The following SGCZ variants were observed in gnomAD, a reference collection of about 807,000 sequenced individuals.
The protein encoded by SGCZ is sarcoglycan zeta, also known as zeta-sarcoglycan.
In SGCZ, 40 loss-of-function variants were observed where a neutral mutation model predicts 41.3. The ratio of observed to expected loss-of-function variants is 0.97; its 90% CI spans 0.75 to 1.26. SGCZ has a LOEUF of 1.26. Ranked by LOEUF, SGCZ falls within the 50% of genes most tolerant of loss-of-function variation. The pLI, the probability that SGCZ is intolerant of heterozygous loss-of-function variation, is 0.00. For synonymous variants in SGCZ, 206 were observed against 137.5 expected, an observed-to-expected ratio of 1.50 and a Z score of -3.49; for missense variants, 552 against 369.8, an observed-to-expected ratio of 1.49 and a Z score of -4.04.
intron 3 of SGCZ, among the ~76,000 whole-genome samples, chr8:14,299,834 C>A (rs1385175947): frequency 6.6e-6 from 1 of 151,128 alleles, no homozygotes; most frequent in Non-Finnish European, 1.5e-5. Context: ...ATTTATATGT[C>A]TGAAGAAAAA....
intron 2 of SGCZ, among the ~76,000 whole-genome samples, chr8:14,552,017 A>G (rs1803885260): frequency 6.6e-6 from 1 of 152,062 alleles, no homozygotes; most frequent in Admixed American, 6.6e-5. Context: ...CCTGTGTTGG[A>G]TACAATAGTT....
At chr8:14,457,114 G>A (rs1049335231) in intron 2 of SGCZ, among the ~76,000 whole-genome samples, 2 of 152,156 alleles carry the variant, frequency 1.3e-5, no homozygotes, top group Non-Finnish European at 2.9e-5. Flanking sequence ...ATACCTCTCA[G>A]ATATGATTAT....
intron 1 of SGCZ, among the ~76,000 whole-genome samples, chr8:14,924,437 C>A (rs1799683510): frequency 6.6e-6 from 1 of 152,024 alleles, no homozygotes; most frequent in East Asian, 1.9e-4. Flanking sequence ...AAGGATATTA[C>A]AGAAAATTAG....
intron 1 of SGCZ, among the ~76,000 whole-genome samples, chr8:14,892,793 G>A (rs1274292639): frequency 1.3e-5 from 2 of 151,974 alleles, no homozygotes; most frequent in Non-Finnish European, 2.9e-5. Context: ...TTTTGCTGGT[G>A]GATTGTACCC....
chr8:14,239,881 G>A (rs1485678263), intron 3 of SGCZ, among the ~76,000 whole-genome samples: 4 of 101,990 alleles, frequency 3.9e-5, no homozygotes, highest in Admixed American at 1.6e-4. Flanking sequence ...CAGCCTGGGC[G>A]ACAGAGCGAG....
chr8:14,753,739 A>C (rs920569061), intron 1 of SGCZ, among the ~76,000 whole-genome samples: 5 of 152,168 alleles, frequency 3.3e-5, no homozygotes, highest in African/African-American at 1.2e-4. Context: ...TAAAGGACTC[A>C]TTCTGTGAGC....
chr8:15,180,897 A>G (rs984460979), intron 1 of SGCZ, among the ~76,000 whole-genome samples: 2 of 152,072 alleles, frequency 1.3e-5, no homozygotes, highest in South Asian at 2.1e-4. Flanking sequence ...AAAAAAAAAA[A>G]AGAGAGGGAA....
chr8:15,111,516 T>A (rs1260765129), intron 1 of SGCZ, among the ~76,000 whole-genome samples: 2 of 151,976 alleles, frequency 1.3e-5, no homozygotes, highest in Admixed American at 1.3e-4. Flanking sequence ...TCAAAAGGAG[T>A]ACTTACACCT....
chr8:15,207,889 G>A (rs893091292), intron 1 of SGCZ, among the ~76,000 whole-genome samples: 30 of 152,132 alleles, frequency 2.0e-4, no homozygotes, highest in African/African-American at 6.5e-4. Context: ...TGTATGTTGG[G>A]TAGTTTCTCA....
At chr8:14,868,369 T>G (rs552283565) in intron 1 of SGCZ, among the ~76,000 whole-genome samples, 38 of 152,262 alleles carry the variant, frequency 2.5e-4, no homozygotes, top group Middle Eastern at 3.4e-3. Flanking sequence ...AAGCCACCAG[T>G]ACAGCCACCA....
At chr8:15,195,441 G>A (rs1485511449) in intron 1 of SGCZ, among the ~76,000 whole-genome samples, 2 of 152,116 alleles carry the variant, frequency 1.3e-5, no homozygotes, top group African/African-American at 4.8e-5. Context: ...TGGTCTTAGT[G>A]CTCGGCAAGC....
At chr8:15,115,997 T>C (rs1004209635) in intron 1 of SGCZ, among the ~76,000 whole-genome samples, 3 of 152,244 alleles carry the variant, frequency 2.0e-5, no homozygotes, top group Non-Finnish European at 2.9e-5. Flanking sequence ...ATGGTCTTTA[T>C]TGCAACTGCT....
intron 2 of SGCZ, among the ~76,000 whole-genome samples, chr8:14,447,968 A>C (rs1199459281): frequency 6.6e-6 from 1 of 152,226 alleles, no homozygotes; most frequent in Non-Finnish European, 1.5e-5. Flanking sequence ...CTAAGAGCCC[A>C]AACGGAAATG....
intron 1 of SGCZ, among the ~76,000 whole-genome samples, chr8:15,081,820 C>G (rs190676221): frequency 1.3e-5 from 2 of 152,074 alleles, no homozygotes; most frequent in Admixed American, 6.6e-5. Context: ...GCAAGCTCAA[C>G]AGAGACAGAG....
intron 1 of SGCZ, among the ~76,000 whole-genome samples, chr8:14,616,496 C>T (rs13260601): frequency 0.15 from 23,075 of 151,970 alleles, 2,210 homozygotes; most frequent in South Asian, 0.22. Flanking sequence ...ACCTAAAAAA[C>T]TATATAAATT....
chr8:14,218,581 C>G (rs1411709814), intron 4 of SGCZ, among the ~76,000 whole-genome samples: 1 of 152,176 alleles, frequency 6.6e-6, no homozygotes, highest in Non-Finnish European at 1.5e-5. Flanking sequence ...GGAATGCATT[C>G]TTAAATGTGT....
chr8:15,217,107 C>A (rs1184995500), intron 1 of SGCZ, among the ~76,000 whole-genome samples: 1 of 151,962 alleles, frequency 6.6e-6, no homozygotes, highest in Non-Finnish European at 1.5e-5. Flanking sequence ...CTAATATTAA[C>A]CCCACAGAGT....
chr8:15,153,784 A>G (rs896151766), intron 1 of SGCZ, among the ~76,000 whole-genome samples: 3 of 152,134 alleles, frequency 2.0e-5, no homozygotes, highest in Non-Finnish European at 4.4e-5. Flanking sequence ...TGCTTCCTGT[A>G]TAGCCTGCAG....
intron 1 of SGCZ, among the ~76,000 whole-genome samples, chr8:15,130,366 C>A (rs1233098734): frequency 6.6e-6 from 1 of 152,158 alleles, no homozygotes; most frequent in African/African-American, 2.4e-5. Context: ...ACCCAGTGTG[C>A]TGAAATTCCA....
Sources: allele counts gnomAD v4.1 joint callset (sites outside exome capture counted in the v4.1 genomes callset), GRCh38; gene constraint gnomAD v4.1.1; transcripts MANE v1.5; gene names NCBI Gene and HGNC (gene_info 2026-07-23, HGNC 2026-07-21).